The following LRRC4C variants were observed in gnomAD, a reference collection of about 807,000 sequenced individuals.
LRRC4C encodes the protein leucine-rich repeat-containing protein 4C.
A neutral mutation model predicts 33.6 loss-of-function variants in LRRC4C; 5 were observed. That is an observed-to-expected ratio of 0.15 (90% confidence interval 0.08 to 0.31). LRRC4C has a LOEUF of 0.31. LRRC4C is among the 10% of genes least tolerant of loss of function. The probability of loss-of-function intolerance (pLI) is 1.00; values close to 1 mark genes in which losing one functional copy is unlikely to be tolerated. For synonymous variants in LRRC4C, 329 were observed against 302.0 expected, an observed-to-expected ratio of 1.09 and a Z score of -0.93; for missense variants, 560 against 796.7, an observed-to-expected ratio of 0.70 and a Z score of 3.58.
intron 2 of LRRC4C, among the ~76,000 whole-genome samples, chr11:40,877,110 C>T (rs528445265): frequency 1.4e-5 from 2 of 144,194 alleles, no homozygotes; most frequent in East Asian, 2.2e-4. Context: ...TCCTGTAAAA[C>T]GTTGTTAAGT....
At chr11:40,550,558 G>A (rs1414010308) in intron 3 of LRRC4C, among the ~76,000 whole-genome samples, 2 of 152,180 alleles carry the variant, frequency 1.3e-5, no homozygotes, top group Non-Finnish European at 2.9e-5. Flanking sequence ...GGAAAAGCAG[G>A]AAGTGCAGAG....
intron 6 of LRRC4C, among the ~76,000 whole-genome samples, chr11:40,118,249 AAATT>A (rs1454660826): frequency 3.4e-5 from 5 of 149,118 alleles, no homozygotes; most frequent in South Asian, 2.1e-4. Context: ...TATTAACAAT[AAATT>A]AATATAAAAT....
At chr11:40,744,666 G>A (rs1948329402) in intron 2 of LRRC4C, among the ~76,000 whole-genome samples, 1 of 152,028 alleles carries the variant, frequency 6.6e-6, no homozygotes, top group Non-Finnish European at 1.5e-5. Flanking sequence ...ACAACCCTAT[G>A]CATGGTGTTA....
chr11:40,257,972 A>T (rs1247538604), intron 4 of LRRC4C, among the ~76,000 whole-genome samples: 1 of 152,206 alleles, frequency 6.6e-6, no homozygotes, highest in South Asian at 2.1e-4. Flanking sequence ...TCCCGGGTAG[A>T]ACATCCACAG....
chr11:40,734,884 A>G (rs972203317), intron 2 of LRRC4C, among the ~76,000 whole-genome samples: 24 of 152,262 alleles, frequency 1.6e-4, no homozygotes, highest in South Asian at 1.0e-3. Context: ...CAGGTGAGTC[A>G]ATGGACAAAG....
At chr11:40,227,765 A>G (rs1459694912) in intron 5 of LRRC4C, among the ~76,000 whole-genome samples, 1 of 152,208 alleles carries the variant, frequency 6.6e-6, no homozygotes, top group Non-Finnish European at 1.5e-5. Context: ...AGAAAATCAC[A>G]GATTCCTAAA....
chr11:40,625,697 C>A (rs2135979459), intron 3 of LRRC4C, among the ~76,000 whole-genome samples: 1 of 152,210 alleles, frequency 6.6e-6, no homozygotes, highest in East Asian at 1.9e-4. Context: ...TAAAATTTCT[C>A]ATTTTTTCCA....
intron 1 of LRRC4C, among the ~76,000 whole-genome samples, chr11:41,136,898 C>T (rs1194520034): frequency 6.6e-6 from 1 of 152,118 alleles, no homozygotes; most frequent in South Asian, 2.1e-4. Flanking sequence ...GTGATATTGC[C>T]TACATAAATT....
At chr11:41,182,734 T>G (rs1945507379) in intron 1 of LRRC4C, among the ~76,000 whole-genome samples, 1 of 152,034 alleles carries the variant, frequency 6.6e-6, no homozygotes, top group Non-Finnish European at 1.5e-5. Flanking sequence ...TTCAATTATC[T>G]AATAACTTCA....
chr11:41,023,568 C>T (rs1856129120), intron 1 of LRRC4C, among the ~76,000 whole-genome samples: 1 of 151,736 alleles, frequency 6.6e-6, no homozygotes, highest in African/African-American at 2.4e-5. Context: ...AGAGCAGCTC[C>T]AGAATTTCTA....
intron 1 of LRRC4C, among the ~76,000 whole-genome samples, chr11:41,379,419 A>G (rs1205135139): frequency 7.2e-5 from 11 of 152,170 alleles, no homozygotes; most frequent in Non-Finnish European, 1.5e-5. Flanking sequence ...ACAAGCCAAC[A>G]GGAGGATGTT....
chr11:40,416,808 G>A (rs1950339718), intron 3 of LRRC4C, among the ~76,000 whole-genome samples: 1 of 152,094 alleles, frequency 6.6e-6, no homozygotes, highest in Admixed American at 6.5e-5. Flanking sequence ...TTCTGAACAG[G>A]AACTAGACTG....
intron 3 of LRRC4C, among the ~76,000 whole-genome samples, chr11:40,398,699 AT>A (rs1348146018): frequency 1.3e-5 from 2 of 152,226 alleles, no homozygotes; most frequent in East Asian, 1.9e-4. Flanking sequence ...AAAATTGCAC[AT>A]TAGGACCCAG....
chr11:41,130,780 T>C (rs1457030367), intron 1 of LRRC4C, among the ~76,000 whole-genome samples: 1 of 151,988 alleles, frequency 6.6e-6, no homozygotes, highest in East Asian at 1.9e-4. Flanking sequence ...CTTAGAAACA[T>C]TTTTGAAGCA....
At chr11:40,462,094 G>A (rs892056088) in intron 3 of LRRC4C, among the ~76,000 whole-genome samples, 24 of 151,942 alleles carry the variant, frequency 1.6e-4, no homozygotes, top group South Asian at 2.1e-4. Flanking sequence ...TCAGTATAGT[G>A]TTTGTAAATG....
chr11:40,655,049 T>C (rs1434010784), intron 2 of LRRC4C, among the ~76,000 whole-genome samples: 5 of 152,142 alleles, frequency 3.3e-5, no homozygotes, highest in Non-Finnish European at 2.9e-5. Context: ...GAAATGTGAG[T>C]CAATTAAACC....
chr11:41,456,197 T>TATTAGCC (rs1956166315), intron 1 of LRRC4C, among the ~76,000 whole-genome samples: 1 of 152,158 alleles, frequency 6.6e-6, no homozygotes, highest in African/African-American at 2.4e-5. Context: ...AGCCTATTCT[T>TATTAGCC]ATTAGCCACA....
At chr11:40,991,404 TG>T in intron 1 of LRRC4C, among the ~76,000 whole-genome samples, 1 of 152,256 alleles carries the variant, frequency 6.6e-6, no homozygotes, top group South Asian at 2.1e-4. Context: ...TGCCTTATAA[TG>T]TAACACAATG....
At chr11:40,318,747 G>A (rs1945699319) in intron 4 of LRRC4C, among the ~76,000 whole-genome samples, 1 of 152,058 alleles carries the variant, frequency 6.6e-6, no homozygotes, top group Non-Finnish European at 1.5e-5. Flanking sequence ...TAACTTAACA[G>A]TATGCCTCAA....
Sources: allele counts gnomAD v4.1 joint callset (sites outside exome capture counted in the v4.1 genomes callset), GRCh38; gene constraint gnomAD v4.1.1; transcripts MANE v1.5; gene names NCBI Gene and HGNC (gene_info 2026-07-23, HGNC 2026-07-21).